Variants in ESR1 observed in about 807,000 individuals in gnomAD.
The protein encoded by ESR1 is estrogen receptor 1.
In ESR1, 12 loss-of-function variants were observed where a neutral mutation model predicts 52.7. That is an observed-to-expected ratio of 0.23 (90% CI 0.15 to 0.37). ESR1 has a LOEUF of 0.37. ESR1 is among the 10% of genes least tolerant of loss of function. ESR1 has a pLI of 1.00. For synonymous variants in ESR1, 305 were observed against 316.8 expected (o/e 0.96, Z 0.39); for missense variants, 584 against 779.7 (o/e 0.75, Z 2.99).
At chr6:151,876,908 G>T (rs1242646837) in intron 2 of ESR1, among the ~76,000 whole-genome samples, 1 of 151,800 alleles carries the variant, frequency 6.6e-6, no homozygotes, top group East Asian at 1.9e-4. Flanking sequence ...ATCCGGGCCT[G>T]CACAGAAGGA....
At chr6:151,683,442 T>C (rs1778531615) in intron 1 of ESR1, among the ~76,000 whole-genome samples, 1 of 147,212 alleles carries the variant, frequency 6.8e-6, no homozygotes, top group Non-Finnish European at 1.5e-5. Flanking sequence ...TCAATTTAAA[T>C]GGAGATTCAT....
At chr6:151,890,701 C>T (rs563999834) in intron 3 of ESR1, among the ~76,000 whole-genome samples, 1 of 152,238 alleles carries the variant, frequency 6.6e-6, no homozygotes, top group East Asian at 1.9e-4. Flanking sequence ...CCTGTTATAT[C>T]CTCTTAATGA....
At chr6:151,661,687 C>T (rs984274715) in intron 1 of ESR1, among the ~76,000 whole-genome samples, 3 of 152,108 alleles carry the variant, frequency 2.0e-5, no homozygotes, top group Non-Finnish European at 4.4e-5. Context: ...AATTGTGATC[C>T]CCACATGTCC....
intron 3 of ESR1, among the ~76,000 whole-genome samples, chr6:151,889,344 C>T (rs919336603): frequency 2.0e-5 from 3 of 152,158 alleles, no homozygotes; most frequent in African/African-American, 7.2e-5. Flanking sequence ...TTCTTTCTAG[C>T]TATTGGTCTG....
chr6:152,004,343 A>G (rs2042172950), intron 4 of ESR1, among the ~76,000 whole-genome samples: 1 of 152,040 alleles, frequency 6.6e-6, no homozygotes, highest in African/African-American at 2.4e-5. Context: ...GTTGGAGTTG[A>G]AAACCAAGCA....
chr6:151,992,928 A>G (rs2041158223), intron 4 of ESR1, among the ~76,000 whole-genome samples: 1 of 152,160 alleles, frequency 6.6e-6, no homozygotes, highest in Non-Finnish European at 1.5e-5. Flanking sequence ...GTGCCAAAGC[A>G]TGCTTTTTGG....
intron 2 of ESR1, among the ~76,000 whole-genome samples, chr6:151,760,930 T>G (rs1008409951): frequency 1.3e-5 from 2 of 152,234 alleles, no homozygotes; most frequent in African/African-American, 2.4e-5. Context: ...CTTTTTGGAA[T>G]ATTGGAAAAT....
chr6:151,780,823 C>T (rs1295041393), intron 2 of ESR1, among the ~76,000 whole-genome samples: 1 of 151,888 alleles, frequency 6.6e-6, no homozygotes, highest in Non-Finnish European at 1.5e-5. Context: ...TCTCTTCAGT[C>T]CTGAAACTGT....
At chr6:151,789,395 T>C (rs1415414625) in intron 2 of ESR1, among the ~76,000 whole-genome samples, 1 of 152,214 alleles carries the variant, frequency 6.6e-6, no homozygotes, top group East Asian at 1.9e-4. Context: ...ATTTTATAAA[T>C]GAACAAATAT....
chr6:151,688,367 G>A (rs1017257481), upstream of ESR1, among the ~76,000 whole-genome samples: 1 of 152,232 alleles, frequency 6.6e-6, no homozygotes, highest in East Asian at 1.9e-4. Context: ...TTAAAAGCAT[G>A]GAGGCTTGAG....
chr6:151,838,557 T>A (rs1052953468), intron 1 of ESR1, among the ~76,000 whole-genome samples: 3 of 152,202 alleles, frequency 2.0e-5, no homozygotes, highest in Non-Finnish European at 4.4e-5. Flanking sequence ...GTTATCTTGA[T>A]CTGATGGATA....
chr6:151,721,178 TAGATGTTTA>T (rs1781430083), intron 2 of ESR1, among the ~76,000 whole-genome samples: 1 of 152,188 alleles, frequency 6.6e-6, no homozygotes, highest in Non-Finnish European at 1.5e-5. Flanking sequence ...AAAGGATTCA[TAGATGTTTA>T]TCTGAAGGAC....
intron 2 of ESR1, among the ~76,000 whole-genome samples, chr6:151,794,502 A>G (rs77783258): frequency 0.062 from 9,403 of 152,182 alleles, 459 homozygotes; most frequent in Non-Finnish European, 0.092. Context: ...AATTTTTTTT[A>G]TTTTTGTGAA....
upstream of ESR1, among the ~76,000 whole-genome samples, chr6:151,801,766 T>C (rs575639579): frequency 6.6e-6 from 1 of 152,396 alleles, no homozygotes; most frequent in South Asian, 2.1e-4. Flanking sequence ...AGGACAATTC[T>C]GTGGCCTTGG....
At position 151,704,726 on chromosome 6, in the gene ESR1, A is replaced by T. The variant is rs140349226; in HGVS notation, c.-71+2721A>T. Among the ~76,000 whole-genome samples, 394 of 152,236 alleles carry T rather than the reference A, an allele frequency of 2.6e-3. 3 individuals carry two copies. Among genetic ancestry groups the T allele is most frequent in the African/African-American group, 9.2e-3 (383 of 41,552 alleles). ...CTCTCCATGGCACTTTATAGAAAAC[A>T]GTTTATTCGGTCATTACAACAGCTC... On this transcript the variant is annotated intron_variant, in intron 2 of 2. Coordinates refer to the ESR1 transcript ENST00000404742.
intron 5 of ESR1, among the ~76,000 whole-genome samples, chr6:152,050,535 A>G (rs1439100274): frequency 6.6e-6 from 1 of 151,962 alleles, no homozygotes; most frequent in Non-Finnish European, 1.5e-5. Context: ...GAGGAATGAC[A>G]TTTTTGCGGG....
In ESR1 at chr6:151,778,186, A is replaced by T. The variant is rs79905800; in HGVS notation, c.-70-29657A>T. On this transcript the variant is annotated intron_variant, in intron 2 of 2. Coordinates refer to the ESR1 transcript ENST00000404742. ...TTGTATGATTTCACTTATATAAACT[A>T]CCTAGAATAGGCAAATTCACAGGGA... 1.4e-4 allele frequency among the ~76,000 whole-genome samples: 22 copies of T among 152,174 alleles called. No individual in the cohort carries two copies. In the East Asian group the frequency reaches 3.5e-3, roughly 24 times the overall value.
At chr6:151,966,511 A>G (rs1416901282) in intron 4 of ESR1, among the ~76,000 whole-genome samples, 1 of 152,094 alleles carries the variant, frequency 6.6e-6, no homozygotes, top group Non-Finnish European at 1.5e-5. Flanking sequence ...TCTGATAGAT[A>G]TAGCATTCCC....
intron 2 of ESR1, among the ~76,000 whole-genome samples, chr6:151,848,677 A>T (rs747178917): frequency 6.6e-6 from 1 of 151,960 alleles, no homozygotes; most frequent in Non-Finnish European, 1.5e-5. Flanking sequence ...CCATCATGTA[A>T]CTGTTTTATC....
Sources: allele counts gnomAD v4.1 joint callset (sites outside exome capture counted in the v4.1 genomes callset), GRCh38; gene constraint gnomAD v4.1.1; transcripts MANE v1.5; gene names NCBI Gene and HGNC (gene_info 2026-07-23, HGNC 2026-07-21).